Variants in RBFOX1 observed in about 807,000 individuals in gnomAD.
The protein encoded by RBFOX1 is RNA binding fox-1 homolog 1.
In RBFOX1, 8 loss-of-function variants were observed where a neutral mutation model predicts 57.7. The observed-to-expected ratio is 0.14, with a 90% CI of 0.08 to 0.25. The LOEUF is 0.25. RBFOX1 is among the 10% of genes least tolerant of loss of function. The pLI, the probability that RBFOX1 is intolerant of heterozygous loss-of-function variation, is 1.00. For synonymous variants in RBFOX1, 326 were observed against 222.4 expected, an observed-to-expected ratio of 1.47 and a Z score of -4.15; for missense variants, 611 against 548.5, an observed-to-expected ratio of 1.11 and a Z score of -1.14.
chr16:5,763,642 A>G (rs1190068976), intron 3 of RBFOX1, among the ~76,000 whole-genome samples: 7 of 152,244 alleles, frequency 4.6e-5, no homozygotes, highest in Non-Finnish European at 7.3e-5. Flanking sequence ...CACAAATCTG[A>G]AAACACTCAC....
intron 3 of RBFOX1, among the ~76,000 whole-genome samples, chr16:5,689,655 G>A (rs998776393): frequency 6.6e-6 from 1 of 152,058 alleles, no homozygotes; most frequent in African/African-American, 2.4e-5. Flanking sequence ...CTGCGTTATG[G>A]TCACATTCAC....
intron 2 of RBFOX1, among the ~76,000 whole-genome samples, chr16:6,325,717 G>T (rs905508162): frequency 4.6e-5 from 7 of 152,162 alleles, no homozygotes; most frequent in Non-Finnish European, 7.3e-5. Context: ...CAGGAATTTG[G>T]TTTTTCCAAA....
chr16:7,217,809 C>T lies in RBFOX1; in HGVS notation c.27+165711C>T, dbSNP rs563868281. On this transcript the variant is annotated intron_variant, in intron 4 of 15. Coordinates refer to ENST00000550418, the MANE Select transcript of RBFOX1 (RefSeq NM_018723.4). Reference sequence around the variant, plus strand: ...GAAGGTTTTGAGATCCTAGGGAGTTCATCTGAAAGACTTACAGCATTGTCA... The same window carrying T: ...GAAGGTTTTGAGATCCTAGGGAGTTTATCTGAAAGACTTACAGCATTGTCA... Among the ~76,000 whole-genome samples the T allele has an allele frequency of 8.5e-5, 13 of 152,260 alleles. No individual in the cohort carries two copies. The South Asian group carries it at 2.7e-3, about 32-fold the overall frequency.
At chr16:6,911,555 T>C (rs2071601029) in intron 3 of RBFOX1, among the ~76,000 whole-genome samples, 2 of 152,196 alleles carry the variant, frequency 1.3e-5, no homozygotes, top group Admixed American at 1.3e-4. Context: ...ATCAGTCATA[T>C]TGAACTATGA....
chr16:6,977,856 C>T (rs2087491077), intron 3 of RBFOX1, among the ~76,000 whole-genome samples: 1 of 148,460 alleles, frequency 6.7e-6, no homozygotes, highest in Non-Finnish European at 1.5e-5. Flanking sequence ...GCTTCCCAAT[C>T]TGGTCTGAGA....
intron 3 of RBFOX1, among the ~76,000 whole-genome samples, chr16:5,678,952 C>T (rs1197960287): frequency 6.6e-6 from 1 of 152,146 alleles, no homozygotes; most frequent in Non-Finnish European, 1.5e-5. Flanking sequence ...ATGTAGGTAC[C>T]TCAGTGATTG....
chr16:6,562,881 T>TTTTTC (rs2097201476), intron 2 of RBFOX1, among the ~76,000 whole-genome samples: 1 of 30,554 alleles, frequency 3.3e-5, no homozygotes, highest in Non-Finnish European at 7.8e-5. Flanking sequence ...TCTTTCTTTC[T>TTTTTC]TTTTTTTTTT....
chr16:6,025,245 C>G (rs901732167), intron 1 of RBFOX1, among the ~76,000 whole-genome samples: 1 of 152,140 alleles, frequency 6.6e-6, no homozygotes, highest in South Asian at 2.1e-4. Flanking sequence ...GGTCTGTGGA[C>G]GTAGTGACAT....
At chr16:7,656,434 A>AGCTG (rs879498999) in intron 12 of RBFOX1, among the ~76,000 whole-genome samples, 1 of 144,478 alleles carries the variant, frequency 6.9e-6, no homozygotes, top group Non-Finnish European at 1.5e-5. Flanking sequence ...CCAGGGCAGG[A>AGCTG]GCTGGCTGGA....
Position 6,025,536 on chromosome 16 carries a change from C to T in RBFOX1, c.-127+5544C>T, listed in dbSNP as rs114087513. 8.3e-3 allele frequency among the ~76,000 whole-genome samples: 1,262 copies of T among 152,296 alleles called. 25 individuals are homozygous for T. The highest frequency in any genetic ancestry group is 0.029 in the African/African-American group (1,224 of 41,568). ...GCCTGCATGAGCAGCCGCACCCTCC[C>T]ACCACCACATCCTTTTGATGGCTTG... On this transcript the variant is annotated intron_variant, in intron 1 of 15. Transcript: ENST00000550418.
intron 3 of RBFOX1, among the ~76,000 whole-genome samples, chr16:6,798,523 G>A (rs1488883861): frequency 6.6e-6 from 1 of 152,078 alleles, no homozygotes; most frequent in Non-Finnish European, 1.5e-5. Flanking sequence ...GCTTAAATAG[G>A]AAGCCCAGAT....
chr16:6,582,368 A>T (rs2097548109), intron 2 of RBFOX1, among the ~76,000 whole-genome samples: 1 of 152,216 alleles, frequency 6.6e-6, no homozygotes, highest in Non-Finnish European at 1.5e-5. Flanking sequence ...CACTAAATTT[A>T]ACAATTAATG....
At chr16:6,872,432 A>G (rs72768885) in intron 3 of RBFOX1, among the ~76,000 whole-genome samples, 9 of 152,212 alleles carry the variant, frequency 5.9e-5, no homozygotes, top group African/African-American at 9.6e-5. Flanking sequence ...ACACTTTAAG[A>G]ACTATTTCTA....
chr16:6,682,663 A>C (rs948539908), intron 3 of RBFOX1, among the ~76,000 whole-genome samples: 1 of 151,934 alleles, frequency 6.6e-6, no homozygotes, highest in Non-Finnish European at 1.5e-5. Context: ...ACAACCAAAA[A>C]TGACTCTAGA....
intron 3 of RBFOX1, among the ~76,000 whole-genome samples, chr16:6,736,386 A>G (rs1277033267): frequency 6.6e-6 from 1 of 152,086 alleles, no homozygotes; most frequent in Non-Finnish European, 1.5e-5. Flanking sequence ...TAGCTCCCAC[A>G]TATCAGTGAG....
chr16:7,550,901 C>A (rs185476902), intron 5 of RBFOX1, among the ~76,000 whole-genome samples: 59 of 152,040 alleles, frequency 3.9e-4, no homozygotes, highest in African/African-American at 1.1e-3. Flanking sequence ...TCAGACCAGC[C>A]TGGCCAACAT....
rs965729240 is a variant in RBFOX1, at chr16:7,427,386, C to A, written c.28-90761C>A. On this transcript the variant is annotated intron_variant, in intron 4 of 15. Coordinates refer to ENST00000550418, the MANE Select transcript of RBFOX1 (RefSeq NM_018723.4). ...GCTGATGCTGCTGGTCTGAGAACCC[C>A]CAAGTTTGAGAGCCCCTGCTGAAGT... is the stretch of plus-strand genomic sequence containing the variant. 2.6e-5 allele frequency among the ~76,000 whole-genome samples: 4 copies of A among 152,118 alleles called. No individual in the cohort carries two copies. The East Asian group carries it at 5.8e-4, about 22-fold the overall frequency.
At chr16:5,655,838 CTGTT>C (rs1214489903) in intron 3 of RBFOX1, among the ~76,000 whole-genome samples, 26 of 152,208 alleles carry the variant, frequency 1.7e-4, no homozygotes, top group Admixed American at 4.6e-4. Context: ...ATTTGACTCT[CTGTT>C]TGTCTTTGGA....
intron 6 of RBFOX1, among the ~76,000 whole-genome samples, chr16:7,583,918 C>T (rs1056656588): frequency 3.3e-5 from 5 of 152,114 alleles, no homozygotes; most frequent in African/African-American, 1.2e-4. Flanking sequence ...AAAAACAGAT[C>T]ACATGACTTT....
Sources: allele counts gnomAD v4.1 joint callset (sites outside exome capture counted in the v4.1 genomes callset), GRCh38; gene constraint gnomAD v4.1.1; transcripts MANE v1.5; gene names NCBI Gene and HGNC (gene_info 2026-07-23, HGNC 2026-07-21).